ADAMTS10: variants seen among roughly 807,000 people sequenced by gnomAD.
ADAMTS10 encodes the protein ADAM metallopeptidase with thrombospondin type 1 motif 10, also known as A disintegrin and metalloproteinase with thrombospondin motifs 10.
ADAMTS10 carries 48 observed loss-of-function variants against 135.9 expected under a neutral mutation model. That is an observed-to-expected ratio of 0.35 (90% CI 0.28 to 0.45). The LOEUF is 0.45. Ranked by LOEUF, ADAMTS10 falls within the 20% of genes least tolerant of loss-of-function variation. The pLI, the probability that ADAMTS10 is intolerant of heterozygous loss-of-function variation, is 1.00. For missense variants in ADAMTS10, 1,131 were observed against 1,565.2 expected (o/e 0.72, Z 4.68); for synonymous variants, 621 against 647.5 (o/e 0.96, Z 0.62).
Position 8,592,769 on chromosome 19 carries a change from G to A in ADAMTS10, c.1581C>T (p.Asp527=), listed in dbSNP as rs782558380. 1.2e-6 allele frequency: 2 copies of A among 1,611,486 alleles called. No individual in the cohort carries two copies. Among genetic ancestry groups the A allele is most frequent in the African/African-American group, 2.7e-5 (2 of 74,940 alleles). The change falls in exon 13 of 26, where the codon GAC becomes GAT. Residue 527 remains aspartate (D), a synonymous_variant. Coordinates refer to ENST00000597188, the MANE Select transcript of ADAMTS10 (RefSeq NM_030957.4). The part of the protein sequence containing the change: ...EGTLCQTHTI[D]KGWCYKRVCV... ...GGCCCTGGCCGGCGCTCACCCCCTT[G>A]TCGATGGTGTGCGTCTGGCACAGCG...
At chr19:8,587,333 CTTTTTTTTT>C (rs559435857) in intron 18 of ADAMTS10, among the ~76,000 whole-genome samples, 2 of 77,468 alleles carry the variant, frequency 2.6e-5, no homozygotes, top group East Asian at 4.9e-4. Flanking sequence ...ACTAAAAAAC[CTTTTTTTTT>C]TTTTTTTTTT....
rs2042329661 is a variant in ADAMTS10 at position 8,580,544 on chromosome 19, T to C, written c.*349A>G. ...GCAGACCACCTCCCCACCCCTACTC[T>C]TCACAGTACATATTCCGATCAAAGG... On this transcript the variant is annotated 3_prime_UTR_variant, in exon 26 of 26. Transcript: ENST00000597188. 4.1e-6 allele frequency: 1 copy of C among 241,326 alleles called. No homozygotes were observed. Among genetic ancestry groups the C allele is most frequent in the Non-Finnish European group, 8.4e-6 (1 of 118,814 alleles). The allele number at this position is 241,326 out of a possible 1,614,324, so 14.9% of individuals were successfully genotyped here.
chr19:8,605,732 C>G lies in ADAMTS10; in HGVS notation c.-22G>C. 1 of 1,592,322 alleles carries G rather than the reference C, an allele frequency of 6.3e-7. No homozygotes were observed. Among genetic ancestry groups the G allele is most frequent in the Non-Finnish European group, 8.5e-7 (1 of 1,171,832 alleles). On this transcript the variant is annotated 5_prime_UTR_variant, in exon 3 of 26. Coordinates refer to ENST00000597188, the MANE Select transcript of ADAMTS10 (RefSeq NM_030957.4). The surrounding 1 kb of genome is among the most constrained non-coding windows in gnomAD (Gnocchi z 7.7). ...CCATAGAGGCCACGTGTCCACATGT[C>G]TCTCCCCAGCCCCGGCTGCCGGCAG...
At chr19:8,600,492 TTTC>T (rs1320494537) in intron 6 of ADAMTS10, among the ~76,000 whole-genome samples, 1 of 138,946 alleles carries the variant, frequency 7.2e-6, no homozygotes. Flanking sequence ...TTTTCTTTTC[TTTC>T]TTTTCTTTTT....
chr19:8,584,994 C>T lies in ADAMTS10; in HGVS notation c.3103G>A (p.Gly1035Ser). The change falls in exon 25 of 26, where the codon GGC (glycine) becomes AGC (serine). Residue 1035 changes from glycine (G) to serine (S), a missense_variant. Physicochemically the swap from Gly to Ser is moderately conservative, Grantham distance 56 (BLOSUM62 0). Coordinates refer to ENST00000597188, the MANE Select transcript of ADAMTS10 (RefSeq NM_030957.4). Reference sequence around the variant, plus strand: ...TCCGTGCACTCGTGCGACGCCTGGCCCGTGTGGCTGGTGCAGCGCACCGAG... The same window carrying T: ...TCCGTGCACTCGTGCGACGCCTGGCTCGTGTGGCTGGTGCAGCGCACCGAG... ...QRSVRCTSHTGQASHECTEAL... is the reference protein window; with the variant it reads ...QRSVRCTSHTSQASHECTEAL... 1 of 1,543,454 alleles carries T rather than the reference C, an allele frequency of 6.5e-7. No individual in the cohort carries two copies. Among genetic ancestry groups the T allele is most frequent in the Non-Finnish European group, 8.7e-7 (1 of 1,145,540 alleles).
Position 8,605,926 on chromosome 19 carries a change from C to G in ADAMTS10, c.-99-117G>C. The G allele has an allele frequency of 7.9e-6, 8 of 1,008,934 alleles. No homozygotes were observed. Among genetic ancestry groups the G allele is most frequent in the Non-Finnish European group, 1.1e-5 (8 of 711,934 alleles). 62.5% of individuals were successfully genotyped at this position (1,008,934 alleles called of 1,614,324 possible). A position where few individuals can be genotyped will look rare whatever the true frequency, so the allele number is the denominator to read the frequency against. ...ACTCTGAAGATTCTGAATGCATTTTCTCACTCAGTCACTCCCCTCTCCCCA... is the reference window on the plus strand; with the variant it reads ...ACTCTGAAGATTCTGAATGCATTTTGTCACTCAGTCACTCCCCTCTCCCCA... On this transcript the variant is annotated intron_variant, in intron 2 of 25. Coordinates refer to ENST00000597188, the MANE Select transcript of ADAMTS10 (RefSeq NM_030957.4). This position sits in a 1 kb window ranked among gnomAD's most constrained non-coding sequence, Gnocchi z 7.7.
At position 8,580,821 on chromosome 19, in the gene ADAMTS10, C is replaced by T. The variant is rs1293897035; in HGVS notation, c.*72G>A. 7.7e-7 allele frequency: 1 copy of T among 1,300,030 alleles called. No individual in the cohort carries two copies. Among genetic ancestry groups the T allele is most frequent in the Non-Finnish European group, 1.1e-6 (1 of 931,354 alleles). The allele number at this position is 1,300,030 out of a possible 1,614,324, so 80.5% of individuals were successfully genotyped here. ...TCCCAGTTCCCGCCCCCCCGGGGCC[C>T]CCTCTGGCCGGCCCGCTGCAGGGCT... On this transcript the variant is annotated 3_prime_UTR_variant, in exon 26 of 26. Transcript: ENST00000597188.
At chr19:8,595,700 CCTCCCCCAGCCCCAG>C in intron 12 of ADAMTS10, 47 bp downstream of exon 12, 18 of 1,317,696 alleles carry the variant, frequency 1.4e-5, no homozygotes, top group Non-Finnish European at 1.9e-5. Context: ...GGTGGAGTTC[CCTCCCCCAGCCCCAG>C]CGGCCCCCTC....
intron 1 of ADAMTS10, among the ~76,000 whole-genome samples, chr19:8,608,810 G>A (rs2042749343): frequency 6.6e-6 from 1 of 152,024 alleles, no homozygotes; most frequent in African/African-American, 2.4e-5. Context: ...GGGCTCAGGT[G>A]GGGTGTGAGG....
In ADAMTS10 at chr19:8,605,484, C is replaced by T; in HGVS notation, c.89-126G>A. ...CCCCCGAAATCCAGGGAGTTGGCTGCAAGGCTCCCGCCTATTGACCCCAGG... is the reference window on the plus strand; with the variant it reads ...CCCCCGAAATCCAGGGAGTTGGCTGTAAGGCTCCCGCCTATTGACCCCAGG... On this transcript the variant is annotated intron_variant, in intron 3 of 25. Coordinates refer to ENST00000597188, the MANE Select transcript of ADAMTS10 (RefSeq NM_030957.4). The surrounding 1 kb of genome is among the most constrained non-coding windows in gnomAD (Gnocchi z 7.7). The T allele has an allele frequency of 2.0e-6, 3 of 1,468,816 alleles. No individual in the cohort carries two copies. Among genetic ancestry groups the T allele is most frequent in the Non-Finnish European group, 2.8e-6 (3 of 1,082,078 alleles). The allele number at this position is 1,468,816 out of a possible 1,614,324, so 91.0% of individuals were successfully genotyped here.
At chr19:8,604,117 C>G (rs923076282) in intron 4 of ADAMTS10, among the ~76,000 whole-genome samples, 3 of 151,528 alleles carry the variant, frequency 2.0e-5, no homozygotes, top group Admixed American at 6.6e-5. Flanking sequence ...GTGGTGCAAT[C>G]GTAGCTCACT....
At chr19:8,600,739 C>A (rs565999556) in intron 6 of ADAMTS10, among the ~76,000 whole-genome samples, 189 bp downstream of exon 6, 6 of 152,168 alleles carry the variant, frequency 3.9e-5, no homozygotes, top group Middle Eastern at 3.4e-3. Flanking sequence ...ACCTTGTGAT[C>A]TGCCCGCCTT....
rs1555738996 is a variant in ADAMTS10 at position 8,591,842 on chromosome 19, G to A, written c.1755C>T (p.Tyr585=). Residue 585 remains tyrosine, a synonymous_variant, in exon 15 of 26, where the codon TAC becomes TAT. Transcript: ENST00000597188. ...DSPRPTIGGK[Y]CLGERRRHRS... ...GGTGCCGCCTTCTCTCACCCAGACA[G>A]TACTTGCCCCCGATGGTTGGCCTGG... 1 of 1,613,748 alleles carries A rather than the reference G, an allele frequency of 6.2e-7. No homozygotes were observed. The highest frequency in any genetic ancestry group is 8.5e-7 in the Non-Finnish European group (1 of 1,180,032).
rs370703071 is a variant in ADAMTS10 at position 8,589,574 on chromosome 19, C to A, written c.1912G>T (p.Ala638Ser). ...WKTYRGGGVKACSLTCLAEGF... is the reference protein window; with the variant it reads ...WKTYRGGGVKSCSLTCLAEGF... The stretch of plus-strand genomic sequence containing the variant: ...TCCGCTAGGCACGTGAGCGAGCAGG[C>A]CTTCACGCCCCCTGGGGGGCACGGC... Residue 638 changes from alanine (A) to serine (S), a missense_variant, in exon 17 of 26, where the codon GCC (alanine) becomes TCC (serine). By Grantham distance (99) the Ala-to-Ser change is moderately conservative. Transcript: ENST00000597188. The A allele has an allele frequency of 9.3e-6, 15 of 1,613,274 alleles. No individual in the cohort carries two copies. Among genetic ancestry groups the A allele is most frequent in the Non-Finnish European group, 1.2e-5 (14 of 1,179,964 alleles).
At chr19:8,597,841 T>C (rs1600112437) in intron 6 of ADAMTS10, among the ~76,000 whole-genome samples, 1 of 152,058 alleles carries the variant, frequency 6.6e-6, no homozygotes, top group South Asian at 2.1e-4. Flanking sequence ...TTTGCTCTTT[T>C]TGTCTAGGGT....
At chr19:8,595,633 C>T in intron 12 of ADAMTS10, 129 bp downstream of exon 12, 1 of 1,423,364 alleles carries the variant, frequency 7.0e-7, no homozygotes, top group South Asian at 1.2e-5. Context: ...ACCATGGGGG[C>T]TCACCTCACC....
At position 8,586,335 on chromosome 19, in the gene ADAMTS10, C is replaced by G. The variant is rs782625211; in HGVS notation, c.2530+9G>C. 1 of 1,613,380 alleles carries G rather than the reference C, an allele frequency of 6.2e-7. No individual in the cohort carries two copies. The highest frequency in any genetic ancestry group is 8.5e-7 in the Non-Finnish European group (1 of 1,179,902). On this transcript the variant is annotated intron_variant, in intron 21 of 25. Transcript: ENST00000597188. ...GGTATCTTGTGCCTTCCCCCACCCC[C>G]GGCCTCACCGCCTGCACACTGGGCC...
intron 1 of ADAMTS10, among the ~76,000 whole-genome samples, chr19:8,609,213 GGC>G (rs1555743108): frequency 8.7e-5 from 12 of 138,262 alleles, no homozygotes; most frequent in African/African-American, 3.2e-4. Context: ...TGTGCATTAT[GGC>G]TTGTGAGTGT....
chr19:8,603,981 T>C, intron 4 of ADAMTS10, 97 bp from the exon 5 acceptor site: 1 of 1,312,278 alleles, frequency 7.6e-7, no homozygotes, highest in South Asian at 1.6e-5. Context: ...TTCATTCTTA[T>C]CAGGTTTATT....
Sources: allele counts gnomAD v4.1 joint callset (sites outside exome capture counted in the v4.1 genomes callset), GRCh38; gene constraint gnomAD v4.1.1; non-coding constraint Gnocchi (gnomAD v3.1); transcripts MANE v1.5; gene names NCBI Gene and HGNC (gene_info 2026-07-23, HGNC 2026-07-21).